B3GALT1: variants seen among roughly 807,000 people sequenced by gnomAD.
B3GALT1 encodes beta-1,3-galactosyltransferase 1.
A neutral mutation model predicts 23.2 loss-of-function variants in B3GALT1; 10 were observed. That is an observed-to-expected ratio of 0.43 (90% CI 0.27 to 0.73). The LOEUF is 0.73. B3GALT1 is among the 30% of genes least tolerant of loss of function. The probability of loss-of-function intolerance (pLI) is 0.21; values close to 1 mark genes in which losing one functional copy is unlikely to be tolerated. For missense variants in B3GALT1, 299 were observed against 405.4 expected (o/e 0.74, Z 2.25); for synonymous variants, 156 against 141.5 (o/e 1.10, Z -0.73).
intron 3 of B3GALT1, among the ~76,000 whole-genome samples, chr2:167,813,771 A>G (rs952807057): frequency 1.3e-5 from 2 of 152,206 alleles, no homozygotes; most frequent in Non-Finnish European, 2.9e-5. Context: ...TACCCAAACT[A>G]ATGGTGAACT....
At chr2:167,509,125 A>G (rs1359148158) in intron 2 of B3GALT1, among the ~76,000 whole-genome samples, 1 of 152,234 alleles carries the variant, frequency 6.6e-6, no homozygotes, top group Non-Finnish European at 1.5e-5. Context: ...GCAATTTAAG[A>G]AAGATTTAAT....
chr2:167,498,932 G>T (rs1016324020), intron 2 of B3GALT1, among the ~76,000 whole-genome samples: 5 of 152,054 alleles, frequency 3.3e-5, no homozygotes, highest in African/African-American at 7.2e-5. Context: ...ATTTTCAACA[G>T]GAAAAGAGGC....
At chr2:167,309,397 G>C (rs560647113) in intron 1 of B3GALT1, among the ~76,000 whole-genome samples, 2 of 151,992 alleles carry the variant, frequency 1.3e-5, no homozygotes, top group South Asian at 2.1e-4. Flanking sequence ...ACAAAAGATA[G>C]AAACTTAGAG....
At chr2:167,353,888 CT>C (rs1006440533) in intron 1 of B3GALT1, among the ~76,000 whole-genome samples, 13 of 151,130 alleles carry the variant, frequency 8.6e-5, no homozygotes, top group South Asian at 2.1e-4. Context: ...ACAAATCCTC[CT>C]TTTTTTTTCT....
chr2:167,521,861 T>C (rs1450923495), intron 2 of B3GALT1, among the ~76,000 whole-genome samples: 1 of 151,456 alleles, frequency 6.6e-6, no homozygotes, highest in Non-Finnish European at 1.5e-5. Flanking sequence ...TATGTTTTTA[T>C]TTTATTACCC....
At chr2:167,594,550 A>G (rs1037212694) in intron 2 of B3GALT1, among the ~76,000 whole-genome samples, 2 of 152,108 alleles carry the variant, frequency 1.3e-5, no homozygotes, top group African/African-American at 4.8e-5. Context: ...GTTTTTTTAA[A>G]CTTTCTGGAA....
chr2:167,870,830 A>G lies in B3GALT1; in HGVS notation c.*810A>G, dbSNP rs1690332786. The G allele has an allele frequency of 6.0e-6, 1 of 166,836 alleles. No homozygotes were observed. The highest frequency in any genetic ancestry group is 1.5e-5 in the Non-Finnish European group (1 of 68,092). 10.3% of individuals were successfully genotyped at this position (166,836 alleles called of 1,614,324 possible). ...CCTTCCAGACAGTGTCGCTAAGTGC[A>G]TTTCACAGTTTTTGGATCTGGCAGG... On this transcript the variant is annotated 3_prime_UTR_variant, in exon 5 of 5. Transcript: ENST00000392690.
chr2:167,813,016 G>A (rs1688923558), intron 3 of B3GALT1, among the ~76,000 whole-genome samples: 1 of 91,730 alleles, frequency 1.1e-5, no homozygotes, highest in African/African-American at 4.4e-5. Flanking sequence ...ACACAGTTCA[G>A]GGTCCCTCTG....
rs552073358 is a variant in B3GALT1 at position 167,865,587 on chromosome 2, C to G, written c.-229-3224C>G. Among the ~76,000 whole-genome samples the G allele has an allele frequency of 7.2e-5, 11 of 152,156 alleles. No individual in the cohort carries two copies. In the East Asian group the frequency reaches 1.7e-3, roughly 24 times the overall value. ...CGGGCAGATCACAAGATCAGGAGAT[C>G]GAGACCCTCCTGGCTAACACCGTGA... On this transcript the variant is annotated intron_variant, in intron 4 of 4. Coordinates refer to ENST00000392690, the MANE Select transcript of B3GALT1 (RefSeq NM_020981.4).
intron 1 of B3GALT1, among the ~76,000 whole-genome samples, chr2:167,484,316 A>G (rs149344076): frequency 1.3e-5 from 2 of 152,180 alleles, no homozygotes; most frequent in South Asian, 2.1e-4. Flanking sequence ...GTCAAACTCT[A>G]TAAAGTATTT....
intron 2 of B3GALT1, among the ~76,000 whole-genome samples, chr2:167,506,577 A>C (rs967766249): frequency 2.0e-5 from 3 of 152,192 alleles, no homozygotes; most frequent in Admixed American, 2.0e-4. Context: ...ATTTATGACA[A>C]ACATTACATA....
intron 2 of B3GALT1, among the ~76,000 whole-genome samples, chr2:167,545,023 CTTTTTTTTTT>C (rs869066627): frequency 1.8e-3 from 96 of 54,288 alleles, no homozygotes; most frequent in African/African-American, 6.3e-3. Flanking sequence ...GCTTGGGTGT[CTTTTTTTTTT>C]TTTTTTTTTT....
At chr2:167,372,910 C>T (rs1523884) in intron 1 of B3GALT1, among the ~76,000 whole-genome samples, 14,328 of 151,976 alleles carry the variant, frequency 0.094, 917 homozygotes, top group East Asian at 0.24. Flanking sequence ...CAAATTGATC[C>T]ACAGACTCAG....
chr2:167,332,391 A>T (rs186403368), intron 1 of B3GALT1, among the ~76,000 whole-genome samples: 1 of 152,380 alleles, frequency 6.6e-6, no homozygotes. Flanking sequence ...AGAATTATGT[A>T]GTTACCTATT....
intron 2 of B3GALT1, among the ~76,000 whole-genome samples, chr2:167,606,512 G>A (rs1325597985): frequency 6.6e-6 from 1 of 152,130 alleles, no homozygotes; most frequent in African/African-American, 2.4e-5. Context: ...AAGTAGTTTT[G>A]TCTATATAAA....
chr2:167,538,569 T>C (rs748741533), intron 2 of B3GALT1, among the ~76,000 whole-genome samples: 29 of 152,180 alleles, frequency 1.9e-4, no homozygotes, highest in Admixed American at 4.6e-4. Flanking sequence ...TTTAAAACAT[T>C]GGTGAGCAAA....
At chr2:167,734,111 C>T (rs532139039) in intron 3 of B3GALT1, among the ~76,000 whole-genome samples, 5 of 152,168 alleles carry the variant, frequency 3.3e-5, no homozygotes, top group African/African-American at 4.8e-5. Flanking sequence ...ATGGAATTAA[C>T]GGGTTTATTG....
intron 3 of B3GALT1, among the ~76,000 whole-genome samples, chr2:167,757,611 G>A (rs762676068): frequency 6.6e-6 from 1 of 152,080 alleles, no homozygotes; most frequent in Non-Finnish European, 1.5e-5. Context: ...GTAAGGATGT[G>A]GCCATCTTCA....
At chr2:167,563,065 G>T (rs1353983714) in intron 2 of B3GALT1, among the ~76,000 whole-genome samples, 3 of 151,960 alleles carry the variant, frequency 2.0e-5, no homozygotes, top group Non-Finnish European at 4.4e-5. Flanking sequence ...ACACAGACAC[G>T]GCAACCATCC....
Sources: gnomAD v4.1 joint callset for allele counts (sites outside exome capture counted in the v4.1 genomes callset) on GRCh38, gnomAD v4.1.1 for gene constraint, MANE v1.5 for transcripts, NCBI Gene and HGNC (gene_info 2026-07-23, HGNC 2026-07-21) for gene names.